QSER1: variants seen among roughly 807,000 people sequenced by gnomAD.
QSER1 encodes glutamine and serine-rich protein 1.
In QSER1, 49 loss-of-function variants were observed where a neutral mutation model predicts 158.5. That is an observed-to-expected ratio of 0.31 (90% CI 0.25 to 0.39). The LOEUF (loss-of-function observed/expected upper bound fraction) is 0.39. Among genes scored for constraint, QSER1 ranks in the 10% least tolerant of loss-of-function variants. The probability of loss-of-function intolerance (pLI) is 1.00; values close to 1 mark genes in which losing one functional copy is unlikely to be tolerated. For synonymous variants in QSER1, 650 were observed against 715.5 expected (o/e 0.91, Z 1.46); for missense variants, 1,754 against 2,010.3 (o/e 0.87, Z 2.44).
rs963300250 is a variant in QSER1 at position 32,893,003 on chromosome 11, G to C, written c.-123G>C. On this transcript the variant is annotated 5_prime_UTR_variant, in exon 1 of 13. Coordinates refer to ENST00000650167, the MANE Select transcript of QSER1 (RefSeq NM_001076786.3). The surrounding 1 kb of genome is among the most constrained non-coding windows in gnomAD (Gnocchi z 4.7). ...CCTGCTCGCCGGGGCCATGTGAGGG[G>C]GCAGCTCCCTCCACCGCCGCCGCCC... 6.8e-6 allele frequency among the ~76,000 whole-genome samples: 1 copy of C among 146,990 alleles called. No homozygotes were observed. Among genetic ancestry groups the C allele is most frequent in the Non-Finnish European group, 1.5e-5 (1 of 66,048 alleles).
Position 32,954,117 on chromosome 11 carries a change from G to A in QSER1, c.4438G>A (p.Glu1480Lys), listed in dbSNP as rs1852471807. The change falls in exon 5 of 13, where the codon GAA becomes AAA. Residue 1480 changes from glutamate to lysine, a missense_variant. Transcript: ENST00000650167. ...TGAGGAGGACACAGAAAGCGGAGGA[G>A]AAGGCCAATACAGAGAGCGTGATGA... ...TDEEDTESGG[E>K]GQYRERDEFV... The A allele has an allele frequency of 6.2e-7, 1 of 1,613,944 alleles. No homozygotes were observed. The highest frequency in any genetic ancestry group is 8.5e-7 in the Non-Finnish European group (1 of 1,180,034).
At position 32,923,464 on chromosome 11, in the gene QSER1, A is replaced by C. The variant is rs989551900; in HGVS notation, c.210-3693A>C. Reference sequence around the variant, plus strand: ...CGAAGTGGGCAGATCACCTGAGGTCAGGAGTTTAAGACCAGCCTGACCAAC... The same window carrying C: ...CGAAGTGGGCAGATCACCTGAGGTCCGGAGTTTAAGACCAGCCTGACCAAC... On this transcript the variant is annotated intron_variant, in intron 1 of 12. Coordinates refer to ENST00000650167, the MANE Select transcript of QSER1 (RefSeq NM_001076786.3). Among the ~76,000 whole-genome samples the C allele has an allele frequency of 4.6e-4, 70 of 152,076 alleles. 1 individual carries two copies. The highest frequency in any genetic ancestry group is 1.6e-3 in the African/African-American group (65 of 41,454).
rs770994381 is a variant in QSER1, at chr11:32,933,424, A to G, written c.2166A>G (p.Gln722=). Residue 722 remains glutamine (Q), a synonymous_variant, in exon 4 of 13, where the codon CAA becomes CAG. Transcript: ENST00000650167. ...TATCTGATGGAGAAATTAATGCTCA[A>G]GAATCAACTTATAAGGTGTCAAAGG... ...QRLSDGEINA[Q]ESTYKVSKAD... The G allele has an allele frequency of 3.7e-6, 6 of 1,613,950 alleles. No individual in the cohort carries two copies. The highest frequency in any genetic ancestry group is 5.1e-6 in the Non-Finnish European group (6 of 1,179,958).
intron 4 of QSER1, among the ~76,000 whole-genome samples, chr11:32,940,953 G>A (rs909169283): frequency 6.6e-6 from 1 of 151,150 alleles, no homozygotes; most frequent in Admixed American, 6.6e-5. Context: ...TTTATTCCTT[G>A]GGTATAATTT....
Position 32,976,346 on chromosome 11 carries a change from C to A in QSER1, c.5467C>A (p.Gln1823Lys). ...TTTCTTTTTTTAGATTTCTTCGGTG[C>A]AGAAAAAAAATGAAGATTTAGGACA... is the stretch of plus-strand genomic sequence containing the variant. Reference protein sequence around the residue: ...LICKDEISSVQKKNEDLGQEE... With the variant: ...LICKDEISSVKKKNEDLGQEE... Residue 1823 changes from glutamine (Q) to lysine (K), a missense_variant, in exon 13 of 13, where the codon CAG (glutamine) becomes AAG (lysine). Coordinates refer to ENST00000650167, the MANE Select transcript of QSER1 (RefSeq NM_001076786.3). The A allele has an allele frequency of 6.3e-7, 1 of 1,582,546 alleles. No homozygotes were observed. The highest frequency in any genetic ancestry group is 1.2e-5 in the South Asian group (1 of 84,344).
intron 1 of QSER1, among the ~76,000 whole-genome samples, chr11:32,921,348 G>A (rs942381814): frequency 6.6e-6 from 1 of 152,146 alleles, no homozygotes; most frequent in Non-Finnish European, 1.5e-5. Context: ...GAAGAGAGGA[G>A]GGAAATAGGA....
In QSER1 at chr11:32,892,843, G is replaced by GGCGGCCGCCGCCGCCGCC. The variant is rs1554922098; in HGVS notation, c.-281_-280insGGCCGCCGCCGCCGCCGC. On this transcript the variant is annotated 5_prime_UTR_variant, in exon 1 of 13. Coordinates refer to ENST00000650167, the MANE Select transcript of QSER1 (RefSeq NM_001076786.3). ...GAAATCCACCAACATGGGGCGCAGC[G>GGCGGCCGCCGCCGCCGCC]GCCGCCGCCGCCGCCGCCGTCGCCG... Among the ~76,000 whole-genome samples, 1 of 144,782 alleles carries GGCGGCCGCCGCCGCCGCC rather than the reference G, an allele frequency of 6.9e-6. No homozygotes were observed. Among genetic ancestry groups the GGCGGCCGCCGCCGCCGCC allele is most frequent in the Admixed American group, 6.8e-5 (1 of 14,746 alleles). The allele number at this position is 144,782 out of a possible 152,430, so 95.0% of individuals were successfully genotyped here. A position where few individuals can be genotyped will look rare whatever the true frequency, so the allele number is the denominator to read the frequency against.
chr11:32,923,946 G>A (rs1010865530), intron 1 of QSER1, among the ~76,000 whole-genome samples: 2 of 152,060 alleles, frequency 1.3e-5, no homozygotes, highest in South Asian at 2.1e-4. Context: ...CCAGCCTGGC[G>A]ACAGAGCAAG....
At chr11:32,907,936 A>G (rs993109560) in intron 1 of QSER1, among the ~76,000 whole-genome samples, 5 of 152,168 alleles carry the variant, frequency 3.3e-5, no homozygotes, top group African/African-American at 9.7e-5. Flanking sequence ...CCTCGTCTCT[A>G]CAAAAAATAC....
Position 32,934,821 on chromosome 11 carries a change from T to C in QSER1, c.3563T>C (p.Ile1188Thr), listed in dbSNP as rs1852119842. Reference sequence around the variant, plus strand: ...TCTGGGGATGCAGTCAGTGTCAAGATTGAAGAAGAAAACCAAGATTTAATG... The same window carrying C: ...TCTGGGGATGCAGTCAGTGTCAAGACTGAAGAAGAAAACCAAGATTTAATG... Reference protein sequence around the residue: ...AQSGDAVSVKIEEENQDLMHF... With the variant: ...AQSGDAVSVKTEEENQDLMHF... Residue 1188 changes from isoleucine to threonine, a missense_variant, in exon 4 of 13, where the codon ATT (isoleucine) becomes ACT (threonine). By Grantham distance (89) the Ile-to-Thr change is moderately conservative (BLOSUM62 -1). Around this residue, in one of 2 missense-constraint regions of QSER1, gnomAD observed 1,707 missense variants for 1,919.6 expected, o/e 0.89. Coordinates refer to ENST00000650167, the MANE Select transcript of QSER1 (RefSeq NM_001076786.3). 3 of 1,613,942 alleles carry C rather than the reference T, an allele frequency of 1.9e-6. No individual in the cohort carries two copies. Among genetic ancestry groups the C allele is most frequent in the Admixed American group, 1.7e-5 (1 of 59,974 alleles).
rs149087829 is a variant in QSER1, at chr11:32,900,227, G to A, written c.209+6893G>A. 1.4e-3 allele frequency among the ~76,000 whole-genome samples: 208 copies of A among 152,272 alleles called. 6 individuals are homozygous for A. Among genetic ancestry groups the A allele is most frequent in the Admixed American group, 0.013 (199 of 15,296 alleles). The stretch of plus-strand genomic sequence containing the variant: ...TTTTCAAAAGTATAGGTCAGGTAAT[G>A]TCATTACCCTGCTTAGAACCTTCCA... On this transcript the variant is annotated intron_variant, in intron 1 of 12. Transcript: ENST00000650167.
chr11:32,893,832 G>T lies in QSER1; in HGVS notation c.209+498G>T, dbSNP rs1022085269. 6.6e-6 allele frequency among the ~76,000 whole-genome samples: 1 copy of T among 152,194 alleles called. No individual in the cohort carries two copies. Among genetic ancestry groups the T allele is most frequent in the Admixed American group, 6.5e-5 (1 of 15,286 alleles). ...GCGTCCCGGAGACACTGGGGGGCCC[G>T]GGAGGGCTGGGCTACGGGAGAATCC... On this transcript the variant is annotated intron_variant, in intron 1 of 12. Transcript: ENST00000650167. This position sits in a 1 kb window ranked among gnomAD's most constrained non-coding sequence, Gnocchi z 4.7.
At chr11:32,927,941 A>C in intron 2 of QSER1, 21 bp from the exon 3 acceptor site, 1 of 603,980 alleles carries the variant, frequency 1.7e-6, no homozygotes, top group Non-Finnish European at 2.8e-6. Flanking sequence ...ACTTTGGGAT[A>C]TATTTTATCT....
rs1851832287 is a variant in QSER1, at chr11:32,916,510, A to G, written c.210-10647A>G. 3.9e-5 allele frequency among the ~76,000 whole-genome samples: 6 copies of G among 152,174 alleles called. No homozygotes were observed. In the South Asian group the frequency reaches 1.2e-3, roughly 31 times the overall value. On this transcript the variant is annotated intron_variant, in intron 1 of 12. Coordinates refer to ENST00000650167, the MANE Select transcript of QSER1 (RefSeq NM_001076786.3). ...CAGAGAAATGTGTCGTTAGGTAATT[A>G]TATCACTGTGCAAACATCTTAGGGT...
chr11:32,968,013 G>A (rs999171260), intron 9 of QSER1, among the ~76,000 whole-genome samples: 2 of 152,086 alleles, frequency 1.3e-5, no homozygotes, highest in Admixed American at 6.5e-5. Context: ...TATATTCCTT[G>A]CATCATAAAA....
Position 32,948,038 on chromosome 11 carries a change from A to C in QSER1, c.4178-5819A>C, listed in dbSNP as rs1214682193. On this transcript the variant is annotated intron_variant, in intron 4 of 12. Coordinates refer to ENST00000650167, the MANE Select transcript of QSER1 (RefSeq NM_001076786.3). Reference sequence around the variant, plus strand: ...ACAAAACAAAACTTCCACAGATTTGAAAATGCAGACATTATTCAAGCAGTA... The same window carrying C: ...ACAAAACAAAACTTCCACAGATTTGCAAATGCAGACATTATTCAAGCAGTA... 2.0e-5 allele frequency among the ~76,000 whole-genome samples: 3 copies of C among 152,266 alleles called. No individual in the cohort carries two copies. The East Asian group carries it at 5.8e-4, about 29-fold the overall frequency.
At position 32,932,930 on chromosome 11, in the gene QSER1, G is replaced by C. The variant is rs368404596; in HGVS notation, c.1672G>C (p.Gly558Arg). 11 of 1,613,554 alleles carry C rather than the reference G, an allele frequency of 6.8e-6. No individual in the cohort carries two copies. In the African/African-American group the frequency reaches 1.3e-4, roughly 20 times the overall value. The change falls in exon 4 of 13, where the codon GGT becomes CGT. Residue 558 changes from glycine (G) to arginine (R), a missense_variant. Physicochemically the swap from Gly to Arg is moderately radical, Grantham distance 125. Transcript: ENST00000650167. ...AAGTCAGTCTCAAAGTTACTCATCTGGTCACTCTCAGGGTTTATCACCAGT... is the reference window on the plus strand; with the variant it reads ...AAGTCAGTCTCAAAGTTACTCATCTCGTCACTCTCAGGGTTTATCACCAGT... Reference protein sequence around the residue: ...SVSQSQSYSSGHSQGLSPVSQ... With the variant: ...SVSQSQSYSSRHSQGLSPVSQ...
chr11:32,942,663 G>C (rs1337794241), intron 4 of QSER1, among the ~76,000 whole-genome samples: 5 of 152,242 alleles, frequency 3.3e-5, no homozygotes, highest in Non-Finnish European at 7.3e-5. Context: ...AACTCAGGTA[G>C]TGTGATGCCT....
intron 4 of QSER1, among the ~76,000 whole-genome samples, chr11:32,938,423 G>A (rs1852184547): frequency 6.6e-6 from 1 of 152,170 alleles, no homozygotes; most frequent in Non-Finnish European, 1.5e-5. Flanking sequence ...TTTTAATTTT[G>A]TGAGTAGAAT....
Sources: gnomAD v4.1 joint callset for allele counts (sites outside exome capture counted in the v4.1 genomes callset) on GRCh38, gnomAD v4.1.1 for gene constraint, gnomAD v4.1.1 regional missense constraint, Gnocchi (gnomAD v3.1) non-coding constraint, MANE v1.5 for transcripts, NCBI Gene and HGNC (gene_info 2026-07-23, HGNC 2026-07-21) for gene names.